The following CALN1 variants were observed in gnomAD, a reference collection of about 807,000 sequenced individuals.
CALN1 encodes calneuron 1, also known as calcium-binding protein 8.
In CALN1, 17 loss-of-function variants were observed where a neutral mutation model predicts 30.6. That is an observed-to-expected ratio of 0.56 (90% confidence interval 0.38 to 0.83). The LOEUF (loss-of-function observed/expected upper bound fraction) is 0.83. Among genes scored for constraint, CALN1 ranks in the 40% least tolerant of loss-of-function variants. The pLI is 0.00. For synonymous variants in CALN1, 156 were observed against 131.4 expected (o/e 1.19, Z -1.28); for missense variants, 291 against 354.9 (o/e 0.82, Z 1.45).
intron 3 of CALN1, among the ~76,000 whole-genome samples, chr7:72,258,702 A>C (rs1042154267): frequency 6.6e-6 from 1 of 152,080 alleles, no homozygotes; most frequent in Non-Finnish European, 1.5e-5. Flanking sequence ...CAGATCACCC[A>C]AGGTCAGGAG....
chr7:72,434,203 G>T (rs1469303466), intron 1 of CALN1, among the ~76,000 whole-genome samples: 1 of 151,556 alleles, frequency 6.6e-6, no homozygotes, highest in Non-Finnish European at 1.5e-5. Context: ...CTTTTTTTTA[G>T]GATAAAAATA....
intron 1 of CALN1, among the ~76,000 whole-genome samples, chr7:72,405,496 A>C (rs932314431): frequency 6.6e-6 from 1 of 151,966 alleles, no homozygotes; most frequent in African/African-American, 2.4e-5. Context: ...TCACCCCCAC[A>C]CCCACATGGC....
At chr7:72,031,734 A>ACCTGGC in intron 4 of CALN1, among the ~76,000 whole-genome samples, 1 of 114,682 alleles carries the variant, frequency 8.7e-6, no homozygotes, top group South Asian at 2.7e-4. Flanking sequence ...CGCCTGGCTA[A>ACCTGGC]TTTTTTTTTT....
chr7:72,005,917 T>C (rs1562970419), intron 5 of CALN1, among the ~76,000 whole-genome samples: 3 of 152,308 alleles, frequency 2.0e-5, no homozygotes, highest in Non-Finnish European at 1.5e-5. Flanking sequence ...TAAAACTGTA[T>C]GGAAGTCAAC....
intron 6 of CALN1, among the ~76,000 whole-genome samples, chr7:71,792,756 G>A (rs1166411696): frequency 1.3e-5 from 2 of 152,122 alleles, no homozygotes; most frequent in South Asian, 2.1e-4. Context: ...TCCGAAGGCA[G>A]CCCTTTTCCA....
chr7:72,402,458 A>C (rs1806406198), intron 2 of CALN1, among the ~76,000 whole-genome samples: 1 of 152,196 alleles, frequency 6.6e-6, no homozygotes, highest in Admixed American at 6.5e-5. Flanking sequence ...TGGAGATCCC[A>C]TTCTGAACAG....
chr7:71,868,861 GATA>G (rs1428607492), intron 5 of CALN1, among the ~76,000 whole-genome samples: 1 of 152,162 alleles, frequency 6.6e-6, no homozygotes, highest in Non-Finnish European at 1.5e-5. Context: ...AATATAAAGT[GATA>G]ATAAGAGTTC....
chr7:72,052,646 G>C (rs1012518999), intron 4 of CALN1, among the ~76,000 whole-genome samples: 2 of 152,182 alleles, frequency 1.3e-5, no homozygotes, highest in African/African-American at 4.8e-5. Context: ...TAACCTGTTG[G>C]TGTGCCTTTG....
At chr7:71,856,787 T>A (rs1790972881) in intron 5 of CALN1, among the ~76,000 whole-genome samples, 1 of 152,050 alleles carries the variant, frequency 6.6e-6, no homozygotes, top group Admixed American at 6.6e-5. Flanking sequence ...AAACCCCATC[T>A]CTACTAGAAA....
At chr7:72,032,038 C>A (rs1342345503) in intron 4 of CALN1, among the ~76,000 whole-genome samples, 1 of 147,854 alleles carries the variant, frequency 6.8e-6, no homozygotes, top group African/African-American at 2.5e-5. Flanking sequence ...TGAGCCACCA[C>A]ACCTGGCTCC....
chr7:72,476,929 C>T, the CALN1 span, among the ~76,000 whole-genome samples: 1 of 151,872 alleles, frequency 6.6e-6, no homozygotes, highest in African/African-American at 2.4e-5. Context: ...AAAGGTGCGT[C>T]GCCAGGCGCC....
chr7:72,187,630 T>C (rs989230150), intron 3 of CALN1, among the ~76,000 whole-genome samples: 8 of 152,026 alleles, frequency 5.3e-5, no homozygotes, highest in African/African-American at 1.7e-4. Flanking sequence ...CATGGAAAAA[T>C]TGTCTTCCAT....
chr7:71,838,681 T>A (rs113970106), intron 5 of CALN1, among the ~76,000 whole-genome samples: 27 of 152,308 alleles, frequency 1.8e-4, no homozygotes, highest in African/African-American at 6.3e-4. Flanking sequence ...TGGGAGGTAA[T>A]TGAATCATGG....
chr7:72,016,832 G>A (rs562081270), intron 5 of CALN1, among the ~76,000 whole-genome samples: 5 of 151,680 alleles, frequency 3.3e-5, no homozygotes, highest in African/African-American at 9.7e-5. Flanking sequence ...ACTAGGTTTT[G>A]CATGAGGACC....
At chr7:72,010,814 A>T (rs1800029300) in intron 5 of CALN1, among the ~76,000 whole-genome samples, 1 of 149,846 alleles carries the variant, frequency 6.7e-6, no homozygotes, top group Non-Finnish European at 1.5e-5. Flanking sequence ...TCAAAAAAAA[A>T]AAAGAAAAGA....
At chr7:72,178,532 G>A (rs6460704) in intron 3 of CALN1, among the ~76,000 whole-genome samples, 38,423 of 151,836 alleles carry the variant, frequency 0.25, 5,912 homozygotes, top group Non-Finnish European at 0.35. Context: ...TTACTGAAAA[G>A]ACAAAAATTA....
intron 5 of CALN1, among the ~76,000 whole-genome samples, chr7:72,007,155 T>G (rs1425409356): frequency 6.6e-6 from 1 of 152,164 alleles, no homozygotes; most frequent in Non-Finnish European, 1.5e-5. Context: ...TTTCCCAGCT[T>G]CCCTTGCTGC....
chr7:72,386,899 G>A (rs1585632611), intron 2 of CALN1, among the ~76,000 whole-genome samples: 2 of 151,912 alleles, frequency 1.3e-5, no homozygotes, highest in Non-Finnish European at 1.5e-5. Flanking sequence ...ACATCTAGAA[G>A]TATAGATATG....
At chr7:72,189,399 G>A (rs1790444718) in intron 3 of CALN1, among the ~76,000 whole-genome samples, 1 of 152,214 alleles carries the variant, frequency 6.6e-6, no homozygotes, top group South Asian at 2.1e-4. Flanking sequence ...TGGTGTCAAA[G>A]AGGACTTTAT....
Sources: allele counts gnomAD v4.1 joint callset (sites outside exome capture counted in the v4.1 genomes callset), GRCh38; gene constraint gnomAD v4.1.1; transcripts MANE v1.5; gene names NCBI Gene and HGNC (gene_info 2026-07-23, HGNC 2026-07-21).